The following SPHKAP variants were observed in gnomAD, a reference collection of about 807,000 sequenced individuals.
The protein encoded by SPHKAP is SPHK1 interactor, AKAP domain containing, also known as A-kinase anchor protein SPHKAP.
SPHKAP carries 67 observed loss-of-function variants against 137.5 expected under a neutral mutation model. The ratio of observed to expected loss-of-function variants is 0.49; its 90% confidence interval spans 0.40 to 0.60. The LOEUF (loss-of-function observed/expected upper bound fraction) is 0.60, where lower values mean the gene tolerates loss of function less well. Ranked by LOEUF, SPHKAP falls within the 20% of genes least tolerant of loss-of-function variation. The probability of loss-of-function intolerance (pLI) is 0.00; values close to 1 mark genes in which losing one functional copy is unlikely to be tolerated. For missense variants in SPHKAP, 2,097 were observed against 2,069.3 expected, an observed-to-expected ratio of 1.01 and a Z score of -0.26; for synonymous variants, 813 against 785.3, an observed-to-expected ratio of 1.04 and a Z score of -0.59.
chr2:228,123,761 G>A (rs1698987073), intron 2 of SPHKAP, among the ~76,000 whole-genome samples: 1 of 152,074 alleles, frequency 6.6e-6, no homozygotes, highest in African/African-American at 2.4e-5. Context: ...GTCAATTTTG[G>A]CTTTTGTTGC....
intron 3 of SPHKAP, among the ~76,000 whole-genome samples, chr2:228,105,805 C>T (rs1698327364): frequency 6.6e-6 from 1 of 152,156 alleles, no homozygotes; most frequent in East Asian, 1.9e-4. Context: ...TTGCCTTCCA[C>T]CATGATTGTG....
At chr2:228,124,714 C>T (rs1699019662) in intron 2 of SPHKAP, among the ~76,000 whole-genome samples, 1 of 132,876 alleles carries the variant, frequency 7.5e-6, no homozygotes, top group Non-Finnish European at 1.7e-5. Context: ...CACATGTACC[C>T]TAAAACTTAA....
chr2:228,003,349 C>G (rs1377700557), intron 7 of SPHKAP, among the ~76,000 whole-genome samples: 1 of 152,084 alleles, frequency 6.6e-6, no homozygotes, highest in Non-Finnish European at 1.5e-5. Context: ...GGAGTTCACT[C>G]ATGATTTGGC....
chr2:228,092,310 T>A (rs763869824), intron 3 of SPHKAP, among the ~76,000 whole-genome samples: 1 of 99,376 alleles, frequency 1.0e-5, no homozygotes, highest in Admixed American at 1.2e-4. Flanking sequence ...CACACGTGTA[T>A]GTGTGTGTAT....
At chr2:228,005,305 G>T (rs1429854114) in intron 7 of SPHKAP, among the ~76,000 whole-genome samples, 1 of 152,174 alleles carries the variant, frequency 6.6e-6, no homozygotes, top group East Asian at 1.9e-4. Flanking sequence ...TTACCATTAT[G>T]TAATGGCCTT....
At chr2:228,052,952 G>C (rs2106275265) in intron 3 of SPHKAP, among the ~76,000 whole-genome samples, 1 of 152,254 alleles carries the variant, frequency 6.6e-6, no homozygotes, top group Non-Finnish European at 1.5e-5. Context: ...AGTCTGTATA[G>C]TAAGAGCTAA....
intron 3 of SPHKAP, among the ~76,000 whole-genome samples, chr2:228,093,087 C>G (rs1421151660): frequency 1.3e-5 from 2 of 152,146 alleles, no homozygotes; most frequent in African/African-American, 4.8e-5. Context: ...CAATGAGTTA[C>G]TTCACTCACT....
At chr2:228,062,454 G>A (rs1457733658) in intron 3 of SPHKAP, among the ~76,000 whole-genome samples, 3 of 152,030 alleles carry the variant, frequency 2.0e-5, no homozygotes, top group Non-Finnish European at 4.4e-5. Context: ...AATGTTGCAT[G>A]TACTCCTCTG....
chr2:228,017,563 G>A lies in SPHKAP; in HGVS notation c.3291C>T (p.Val1097=). ...GCGTGCTCATTAAGCCCAGGCTGTT[G>A]ACATAGGCCCTGGCCTCGGAGTCTT... is the stretch of plus-strand genomic sequence containing the variant. ...PEEDSEARAY[V]NSLGLMSTLS... Residue 1097 remains valine (V), a synonymous_variant, in exon 7 of 12, where the codon GTC becomes GTT. Coordinates refer to ENST00000392056, the MANE Select transcript of SPHKAP (RefSeq NM_001142644.2). 1.9e-6 allele frequency: 3 copies of A among 1,613,670 alleles called. No homozygotes were observed. Among genetic ancestry groups the A allele is most frequent in the Non-Finnish European group, 2.5e-6 (3 of 1,179,978 alleles).
At chr2:228,030,527 A>AC (rs1695257962) in intron 3 of SPHKAP, among the ~76,000 whole-genome samples, 1 of 70,712 alleles carries the variant, frequency 1.4e-5, no homozygotes, top group Admixed American at 1.6e-4. Context: ...AAAAAAAAAA[A>AC]AAAAACAACA....
intron 3 of SPHKAP, among the ~76,000 whole-genome samples, chr2:228,083,527 G>A (rs933451981): frequency 2.0e-5 from 3 of 151,890 alleles, no homozygotes; most frequent in South Asian, 2.1e-4. Context: ...ACTTTTTGAT[G>A]GTCATCTAGG....
chr2:228,105,075 CCTT>C (rs1698298303), intron 3 of SPHKAP, among the ~76,000 whole-genome samples: 1 of 152,092 alleles, frequency 6.6e-6, no homozygotes, highest in Admixed American at 6.6e-5. Context: ...CTCAAGCAAT[CCTT>C]CTGCCTCAGC....
chr2:228,023,576 G>T (rs918350108), intron 5 of SPHKAP, among the ~76,000 whole-genome samples: 10 of 152,202 alleles, frequency 6.6e-5, no homozygotes, highest in African/African-American at 2.4e-4. Context: ...TTTCCACTGA[G>T]TTTAGACACA....
chr2:227,996,149 G>T (rs1693634376), intron 7 of SPHKAP: 1 of 984,700 alleles, frequency 1.0e-6, no homozygotes, highest in African/African-American at 1.7e-5. Flanking sequence ...CGTTTCTGGT[G>T]CTTTTTACCA....
intron 3 of SPHKAP, among the ~76,000 whole-genome samples, chr2:228,042,708 A>T (rs1695898646): frequency 6.6e-6 from 1 of 152,228 alleles, no homozygotes. Context: ...TTTTTCTGCC[A>T]CCCAATTTCT....
In SPHKAP at chr2:228,009,166, C is replaced by T. The variant is rs185842934; in HGVS notation, c.4448+7240G>A. 1.7e-3 allele frequency among the ~76,000 whole-genome samples: 254 copies of T among 152,194 alleles called. 2 individuals carry two copies. The highest frequency in any genetic ancestry group is 4.1e-3 in the Admixed American group (63 of 15,294). ...AGTATACTAGGCTGACAGTTTTTTTCTCCTTCAGCATAGTATAGTTGTCAT... is the reference window on the plus strand; with the variant it reads ...AGTATACTAGGCTGACAGTTTTTTTTTCCTTCAGCATAGTATAGTTGTCAT... On this transcript the variant is annotated intron_variant, in intron 7 of 11. Coordinates refer to ENST00000392056, the MANE Select transcript of SPHKAP (RefSeq NM_001142644.2).
At chr2:227,982,883 G>A (rs1693052070) in intron 11 of SPHKAP, among the ~76,000 whole-genome samples, 2 of 152,114 alleles carry the variant, frequency 1.3e-5, no homozygotes, top group Non-Finnish European at 2.9e-5. Flanking sequence ...ACGACAGAAG[G>A]GTTGCAAGAC....
intron 3 of SPHKAP, among the ~76,000 whole-genome samples, chr2:228,035,489 T>G (rs1695551447): frequency 6.6e-6 from 1 of 152,074 alleles, no homozygotes; most frequent in Admixed American, 6.5e-5. Flanking sequence ...GCCATCCCCA[T>G]CAAGCTACCA....
chr2:228,092,160 T>TGTGTGTACACACAC, intron 3 of SPHKAP, among the ~76,000 whole-genome samples: 1 of 115,228 alleles, frequency 8.7e-6, no homozygotes, highest in East Asian at 2.4e-4. Context: ...CATATACATA[T>TGTGTGTACACACAC]ATGTGTGTAC....
Sources: gnomAD v4.1 joint callset for allele counts (sites outside exome capture counted in the v4.1 genomes callset) on GRCh38, gnomAD v4.1.1 for gene constraint, MANE v1.5 for transcripts, NCBI Gene and HGNC (gene_info 2026-07-23, HGNC 2026-07-21) for gene names.